The following CSMD1 variants were observed in gnomAD, a reference collection of about 807,000 sequenced individuals.
CSMD1 encodes CUB and Sushi multiple domains 1.
Under a neutral mutation model 417.5 loss-of-function variants are expected in CSMD1, and 213 were observed. The observed-to-expected ratio is 0.51, with a 90% CI of 0.46 to 0.57. The LOEUF (loss-of-function observed/expected upper bound fraction) is 0.57. CSMD1 is among the 20% of genes least tolerant of loss of function. The pLI, the probability that CSMD1 is intolerant of heterozygous loss-of-function variation, is 0.00. For synonymous variants in CSMD1, 2,862 were observed against 1,736.8 expected (o/e 1.65, Z -16.11); for missense variants, 6,923 against 4,529.7 (o/e 1.53, Z -15.17).
chr8:4,684,694 G>A (rs1180391907), intron 1 of CSMD1, among the ~76,000 whole-genome samples: 1 of 152,112 alleles, frequency 6.6e-6, no homozygotes, highest in African/African-American at 2.4e-5. Flanking sequence ...TCATACATAC[G>A]CTTTCCCTGT....
At chr8:4,280,648 C>T (rs1170308831) in intron 3 of CSMD1, among the ~76,000 whole-genome samples, 4 of 152,166 alleles carry the variant, frequency 2.6e-5, no homozygotes, top group African/African-American at 9.7e-5. Flanking sequence ...AATTTTAAGG[C>T]TTGTGTGAAT....
chr8:4,801,987 A>G lies in CSMD1; in HGVS notation c.86-164429T>C, dbSNP rs1026218815. Reference sequence around the variant, plus strand: ...TCATATTTACTGCATCCATCATTGAAGCAAGGCTCAGCATTTTGCTTCCCT... The same window carrying G: ...TCATATTTACTGCATCCATCATTGAGGCAAGGCTCAGCATTTTGCTTCCCT... On this transcript the variant is annotated intron_variant, in intron 1 of 69. Transcript: ENST00000635120. Among the ~76,000 whole-genome samples the G allele has an allele frequency of 7.9e-5, 12 of 152,182 alleles. 1 individual carries two copies. Among genetic ancestry groups the G allele is most frequent in the African/African-American group, 2.9e-4 (12 of 41,444 alleles).
intron 3 of CSMD1, among the ~76,000 whole-genome samples, chr8:4,091,180 A>C (rs541960025): frequency 6.6e-6 from 1 of 152,116 alleles, no homozygotes; most frequent in Non-Finnish European, 1.5e-5. Flanking sequence ...CGGCCTCCCA[A>C]AGTGCTGGGA....
At chr8:3,112,684 C>T (rs1211506458) in intron 42 of CSMD1, among the ~76,000 whole-genome samples, 1 of 152,118 alleles carries the variant, frequency 6.6e-6, no homozygotes, top group East Asian at 1.9e-4. Context: ...CCTGTTGCTG[C>T]CTTTGTAAAA....
At chr8:3,783,753 T>G (rs529380014) in intron 5 of CSMD1, among the ~76,000 whole-genome samples, 65 of 152,270 alleles carry the variant, frequency 4.3e-4, no homozygotes, top group Non-Finnish European at 7.2e-4. Flanking sequence ...CAGATCCCCC[T>G]TTGCATATAA....
intron 1 of CSMD1, among the ~76,000 whole-genome samples, chr8:4,734,279 T>C (rs1211739855): frequency 6.6e-6 from 1 of 152,180 alleles, no homozygotes; most frequent in Non-Finnish European, 1.5e-5. Flanking sequence ...AAAAATGTGA[T>C]ATATTGAGCA....
intron 2 of CSMD1, among the ~76,000 whole-genome samples, chr8:4,562,041 T>G (rs998624085): frequency 6.6e-6 from 1 of 152,184 alleles, no homozygotes; most frequent in Non-Finnish European, 1.5e-5. Context: ...GCCGTACATA[T>G]TCAATGCAGC....
chr8:4,322,281 C>G (rs1444982592), intron 3 of CSMD1, among the ~76,000 whole-genome samples: 22 of 152,000 alleles, frequency 1.4e-4, no homozygotes, highest in Admixed American at 1.4e-3. Flanking sequence ...TAAGTGAGAC[C>G]TGAATTCAAT....
At chr8:3,761,246 T>C (rs956616021) in intron 5 of CSMD1, among the ~76,000 whole-genome samples, 1 of 152,114 alleles carries the variant, frequency 6.6e-6, no homozygotes, top group Non-Finnish European at 1.5e-5. Flanking sequence ...AAGGTCTATG[T>C]GTGTGTGTAT....
At chr8:4,817,954 A>T (rs962270879) in intron 1 of CSMD1, among the ~76,000 whole-genome samples, 1 of 152,186 alleles carries the variant, frequency 6.6e-6, no homozygotes, top group African/African-American at 2.4e-5. Flanking sequence ...CTACCCTAGC[A>T]TTAGGTACAG....
rs1336455112 is a variant in CSMD1, at chr8:4,103,833, T to G, written c.416-71734A>C. 2.6e-5 allele frequency among the ~76,000 whole-genome samples: 4 copies of G among 152,318 alleles called. No individual in the cohort carries two copies. The South Asian group carries it at 6.2e-4, about 24-fold the overall frequency. ...ATTCCATGACAGCCTCTTCATAAAATGCTCTAACTCCCTGGCAGCATTGTC... is the reference window on the plus strand; with the variant it reads ...ATTCCATGACAGCCTCTTCATAAAAGGCTCTAACTCCCTGGCAGCATTGTC... On this transcript the variant is annotated intron_variant, in intron 3 of 69. Coordinates refer to ENST00000635120, the MANE Select transcript of CSMD1 (RefSeq NM_033225.6).
intron 1 of CSMD1, among the ~76,000 whole-genome samples, chr8:4,782,806 A>C (rs1414026872): frequency 6.6e-6 from 1 of 152,198 alleles, no homozygotes; most frequent in Non-Finnish European, 1.5e-5. Flanking sequence ...ATCTATTTTC[A>C]CATGGTCCAC....
At chr8:3,460,594 A>C (rs961927197) in intron 12 of CSMD1, among the ~76,000 whole-genome samples, 5 of 152,164 alleles carry the variant, frequency 3.3e-5, no homozygotes, top group South Asian at 2.1e-4. Context: ...GAAGCCGACT[A>C]AGGGTAAGAG....
chr8:3,283,262 T>G (rs565473223), intron 26 of CSMD1, among the ~76,000 whole-genome samples: 1 of 152,200 alleles, frequency 6.6e-6, no homozygotes, highest in Non-Finnish European at 1.5e-5. Flanking sequence ...AGCAGGTTGT[T>G]TGCAGAGAGA....
At chr8:3,242,828 C>T (rs895785651) in intron 26 of CSMD1, among the ~76,000 whole-genome samples, 10 of 150,282 alleles carry the variant, frequency 6.7e-5, no homozygotes, top group South Asian at 2.1e-4. Flanking sequence ...GGGGTTGGGG[C>T]GCAGATATAA....
intron 6 of CSMD1, among the ~76,000 whole-genome samples, chr8:3,713,266 T>C (rs1161901202): frequency 6.6e-6 from 1 of 152,222 alleles, no homozygotes; most frequent in Non-Finnish European, 1.5e-5. Flanking sequence ...AATCTCTAAG[T>C]GGTTAGGTTA....
chr8:4,240,331 G>A (rs926953201), intron 3 of CSMD1, among the ~76,000 whole-genome samples: 1 of 152,174 alleles, frequency 6.6e-6, no homozygotes, highest in Admixed American at 6.5e-5. Flanking sequence ...TGGTGTTGCT[G>A]CATCTTTGCT....
chr8:3,471,069 G>A (rs1817065863), intron 11 of CSMD1, among the ~76,000 whole-genome samples: 1 of 152,170 alleles, frequency 6.6e-6, no homozygotes, highest in Admixed American at 6.5e-5. Flanking sequence ...GTGAAATCAT[G>A]TTGAGTATTT....
intron 26 of CSMD1, among the ~76,000 whole-genome samples, chr8:3,235,432 T>G (rs1304578324): frequency 6.6e-6 from 1 of 152,176 alleles, no homozygotes; most frequent in Admixed American, 6.5e-5. Flanking sequence ...AAAAAATAAG[T>G]GCTCTGTTGA....
Sources: allele counts gnomAD v4.1 joint callset (sites outside exome capture counted in the v4.1 genomes callset), GRCh38; gene constraint gnomAD v4.1.1; transcripts MANE v1.5; gene names NCBI Gene and HGNC (gene_info 2026-07-23, HGNC 2026-07-21).